FTO: variants seen among roughly 807,000 people sequenced by gnomAD.
FTO encodes the protein alpha-ketoglutarate-dependent dioxygenase FTO.
In FTO, 47 loss-of-function variants were observed where a neutral mutation model predicts 63.9. The ratio of observed to expected loss-of-function variants is 0.74; its 90% CI spans 0.58 to 0.94. FTO has a LOEUF of 0.94. FTO is among the 40% of genes least tolerant of loss of function. The pLI is 0.00. For missense variants in FTO, 562 were observed against 618.1 expected, an observed-to-expected ratio of 0.91 and a Z score of 0.96; for synonymous variants, 207 against 224.4, an observed-to-expected ratio of 0.92 and a Z score of 0.69.
At chr16:53,716,675 C>T (rs942013099) in intron 1 of FTO, among the ~76,000 whole-genome samples, 7 of 151,726 alleles carry the variant, frequency 4.6e-5, no homozygotes, top group Non-Finnish European at 1.0e-4. Context: ...AAATATAGAA[C>T]CACACTGTAT....
chr16:53,931,714 C>A (rs1214202354), intron 7 of FTO, among the ~76,000 whole-genome samples: 1 of 152,110 alleles, frequency 6.6e-6, no homozygotes, highest in Non-Finnish European at 1.5e-5. Flanking sequence ...AATGCTCAGA[C>A]CTCTCTGAAA....
intron 8 of FTO, among the ~76,000 whole-genome samples, chr16:54,063,070 C>T (rs2085624440): frequency 6.6e-6 from 1 of 152,096 alleles, no homozygotes; most frequent in African/African-American, 2.4e-5. Flanking sequence ...GAGAAGATTT[C>T]GACACTTTTC....
At chr16:54,014,230 A>C (rs1198477243) in intron 8 of FTO, among the ~76,000 whole-genome samples, 1 of 152,186 alleles carries the variant, frequency 6.6e-6, no homozygotes, top group Non-Finnish European at 1.5e-5. Context: ...TCTCATATTG[A>C]AATTTGATCC....
intron 8 of FTO, among the ~76,000 whole-genome samples, chr16:53,959,657 TA>T (rs2083022374): frequency 1.3e-5 from 2 of 152,308 alleles, no homozygotes; most frequent in Admixed American, 1.3e-4. Flanking sequence ...GTGTTAACTG[TA>T]CTGTACAGCT....
chr16:53,761,355 G>T (rs921640043), intron 1 of FTO, among the ~76,000 whole-genome samples: 2 of 151,804 alleles, frequency 1.3e-5, no homozygotes, highest in Admixed American at 1.3e-4. Context: ...TCCCACCTTG[G>T]CCTCCCAAAG....
chr16:53,838,737 G>A (rs973602133), intron 3 of FTO, among the ~76,000 whole-genome samples: 2 of 152,046 alleles, frequency 1.3e-5, no homozygotes, highest in Admixed American at 6.6e-5. Flanking sequence ...CACTCAGGAG[G>A]CTGAGACAGG....
At chr16:53,895,400 G>A (rs1450317933) in intron 7 of FTO, among the ~76,000 whole-genome samples, 1 of 152,156 alleles carries the variant, frequency 6.6e-6, no homozygotes, top group Non-Finnish European at 1.5e-5. Flanking sequence ...ACAAAGGACT[G>A]TGTTTATGAT....
chr16:53,712,112 CTCAACAAAAGAAAGTTTGTTATTTA>C (rs904956434), intron 1 of FTO, among the ~76,000 whole-genome samples: 1 of 152,056 alleles, frequency 6.6e-6, no homozygotes, highest in African/African-American at 2.4e-5. Context: ...ATAACAATAA[CTCAACAAAAGAAAGTTTGTTATTTA>C]TGTTTTTACT....
chr16:53,914,849 A>T (rs577556229), intron 7 of FTO, among the ~76,000 whole-genome samples: 1 of 152,294 alleles, frequency 6.6e-6, no homozygotes, highest in South Asian at 2.1e-4. Flanking sequence ...TCTTGTTTAT[A>T]TTGTCAAGAA....
chr16:53,948,680 G>A (rs1193998480), intron 8 of FTO, among the ~76,000 whole-genome samples: 1 of 152,230 alleles, frequency 6.6e-6, no homozygotes, highest in Non-Finnish European at 1.5e-5. Context: ...GTATGCTTCC[G>A]AAGTCTCACA....
rs77235265 is a variant in FTO at position 53,781,137 on chromosome 16, A to T, written c.46-29003A>T. Among the ~76,000 whole-genome samples the T allele has an allele frequency of 2.3e-3, 349 of 152,336 alleles. 1 individual carries two copies. Among genetic ancestry groups the T allele is most frequent in the African/African-American group, 8.0e-3 (333 of 41,578 alleles). On this transcript the variant is annotated intron_variant, in intron 1 of 8. Transcript: ENST00000471389. ...CACTAAATCTTTGCTGATTATTAAA[A>T]TCTGAGATATAATTATCCCTATTTT...
At chr16:53,749,682 G>T (rs1029359680) in intron 1 of FTO, among the ~76,000 whole-genome samples, 11 of 151,806 alleles carry the variant, frequency 7.2e-5, no homozygotes, top group African/African-American at 2.7e-4. Context: ...CTCGTGATCC[G>T]CCCGCCTCGG....
At position 53,704,156 on chromosome 16, in the gene FTO, G is replaced by C. The variant is rs1433938405; in HGVS notation, c.-29G>C. 6.4e-7 allele frequency: 1 copy of C among 1,551,286 alleles called. No individual in the cohort carries two copies. Among genetic ancestry groups the C allele is most frequent in the African/African-American group, 1.4e-5 (1 of 73,054 alleles). On this transcript the variant is annotated 5_prime_UTR_variant, in exon 1 of 9. Coordinates refer to ENST00000471389, the MANE Select transcript of FTO (RefSeq NM_001080432.3). ...CCAGGGCGAGGGATCTACGCAGCTT[G>C]CGGTGGCGAAGGCGGCTTTAGTGGC...
In FTO at chr16:54,059,410, AT is replaced by A. The variant is rs373729800; in HGVS notation, c.1365-52351del. ...GGTGACATTCCTGAGAAAGTGCCTG[AT>A]AAAAATGTCATATATCATCCCAGCT... On this transcript the variant is annotated intron_variant, in intron 8 of 8. Coordinates refer to ENST00000471389, the MANE Select transcript of FTO (RefSeq NM_001080432.3). Among the ~76,000 whole-genome samples the A allele has an allele frequency of 2.9e-3, 441 of 152,284 alleles. 1 individual carries two copies. Among genetic ancestry groups the A allele is most frequent in the African/African-American group, 0.01 (423 of 41,562 alleles).
intron 7 of FTO, among the ~76,000 whole-genome samples, chr16:53,933,490 C>A (rs1363838682): frequency 6.6e-6 from 1 of 152,150 alleles, no homozygotes; most frequent in East Asian, 1.9e-4. Context: ...AATCTTCCCC[C>A]TTCTTCCCCC....
rs2084216091 is a variant in FTO at position 54,006,739 on chromosome 16, A to T, written c.1364+72630A>T. ...AACTAGAACTAATTTAAGTGAAAGG[A>T]TAGGCTCCAAGCCCGCTGTTTGGGT... On this transcript the variant is annotated intron_variant, in intron 8 of 8. Transcript: ENST00000471389. Among the ~76,000 whole-genome samples, 4 of 152,244 alleles carry T rather than the reference A, an allele frequency of 2.6e-5. No homozygotes were observed. In the South Asian group the frequency reaches 8.3e-4, roughly 31 times the overall value.
At chr16:53,809,992 A>G (rs191649397) in intron 1 of FTO, 148 bp from the exon 2 acceptor site, 1 of 578,704 alleles carries the variant, frequency 1.7e-6, no homozygotes, top group East Asian at 3.0e-5. Flanking sequence ...ATATTTTATA[A>G]TTGAGATTTG....
chr16:53,815,119 T>C (rs1443817523), intron 2 of FTO, among the ~76,000 whole-genome samples: 1 of 151,826 alleles, frequency 6.6e-6, no homozygotes, highest in Non-Finnish European at 1.5e-5. Context: ...GGCCCGGTTA[T>C]ACGAGAACTT....
In FTO at chr16:54,118,650, G is replaced by C. The variant is rs1319240333; in HGVS notation, c.*6735G>C. ...TTACAAGCGTGAGCCACTACGCCTT[G>C]CCCTCCACACAGCCTTGCTTGGTGT... On this transcript the variant is annotated 3_prime_UTR_variant, in exon 9 of 9. Transcript: ENST00000471389. 6.6e-6 allele frequency: 1 copy of C among 152,086 alleles called. No individual in the cohort carries two copies. The highest frequency in any genetic ancestry group is 6.6e-5 in the Admixed American group (1 of 15,266). 9.4% of individuals were successfully genotyped at this position (152,086 alleles called of 1,614,324 possible). A position where few individuals can be genotyped will look rare whatever the true frequency, so the allele number is the denominator to read the frequency against.
Sources: gnomAD v4.1 joint callset for allele counts (sites outside exome capture counted in the v4.1 genomes callset) on GRCh38, gnomAD v4.1.1 for gene constraint, MANE v1.5 for transcripts, NCBI Gene and HGNC (gene_info 2026-07-23, HGNC 2026-07-21) for gene names.